Variants in PGGT1B observed in about 807,000 individuals in gnomAD.
PGGT1B encodes the protein geranylgeranyl transferase type-1 subunit beta.
In PGGT1B, 30 loss-of-function variants were observed where a neutral mutation model predicts 46.1. The observed-to-expected ratio is 0.65, with a 90% CI of 0.49 to 0.88. The LOEUF is 0.88. Among genes scored for constraint, PGGT1B ranks in the 40% least tolerant of loss-of-function variants. PGGT1B has a pLI of 0.00. For synonymous variants in PGGT1B, 170 were observed against 160.0 expected, an observed-to-expected ratio of 1.06 and a Z score of -0.47; for missense variants, 376 against 455.9, an observed-to-expected ratio of 0.82 and a Z score of 1.60.
intron 1 of PGGT1B, among the ~76,000 whole-genome samples, chr5:115,258,366 A>G (rs560803586): frequency 6.6e-6 from 1 of 152,186 alleles, no homozygotes; most frequent in Non-Finnish European, 1.5e-5. Flanking sequence ...GGACTACCAC[A>G]TGAGTGTCCT....
intron 1 of PGGT1B, among the ~76,000 whole-genome samples, chr5:115,258,864 AC>A (rs1263042563): frequency 6.6e-6 from 1 of 151,776 alleles, no homozygotes; most frequent in African/African-American, 2.4e-5. Context: ...TCAGCATCAC[AC>A]TCCTCAGCTA....
chr5:115,262,835 T>G lies in PGGT1B; in HGVS notation c.17A>C (p.Asp6Ala). Residue 6 changes from aspartate (D) to alanine (A), a missense_variant, in exon 1 of 9, where the codon GAT becomes GCT. Coordinates refer to ENST00000419445, the MANE Select transcript of PGGT1B (RefSeq NM_005023.4). MAATE[D>A]ERLAGSGEGE... ...CTCACCGCTCCCTGCTAGCCTCTCA[T>G]CCTCAGTGGCCGCCATGCTGCTCCG... 1 of 1,611,984 alleles carries G rather than the reference T, an allele frequency of 6.2e-7. No homozygotes were observed. Among genetic ancestry groups the G allele is most frequent in the Non-Finnish European group, 8.5e-7 (1 of 1,179,830 alleles).
intron 6 of PGGT1B, among the ~76,000 whole-genome samples, chr5:115,229,712 A>C (rs1482906920): frequency 6.6e-6 from 1 of 152,172 alleles, no homozygotes; most frequent in Non-Finnish European, 1.5e-5. Flanking sequence ...CTGTCTTCTT[A>C]GAAATTCTTA....
intron 5 of PGGT1B, among the ~76,000 whole-genome samples, chr5:115,235,692 TC>T (rs1757159402): frequency 6.6e-6 from 1 of 152,116 alleles, no homozygotes; most frequent in Non-Finnish European, 1.5e-5. Flanking sequence ...TCTTTCTGTA[TC>T]CAGAGGCTTT....
chr5:115,236,822 C>G (rs1757197241), intron 4 of PGGT1B, among the ~76,000 whole-genome samples: 1 of 152,078 alleles, frequency 6.6e-6, no homozygotes, highest in Admixed American at 6.5e-5. Context: ...TTGATCCTAG[C>G]CAGGGACAGC....
intron 2 of PGGT1B, among the ~76,000 whole-genome samples, chr5:115,247,641 GTAATGAAA>G (rs1282413375): frequency 6.6e-6 from 1 of 151,932 alleles, no homozygotes; most frequent in Non-Finnish European, 1.5e-5. Context: ...TGTCAAGAAA[GTAATGAAA>G]CAAGGTAAAT....
chr5:115,240,815 G>C (rs1561480554), intron 3 of PGGT1B, among the ~76,000 whole-genome samples: 1 of 152,152 alleles, frequency 6.6e-6, no homozygotes, highest in Non-Finnish European at 1.5e-5. Flanking sequence ...CAGGGAAAAA[G>C]TTTCTATGGT....
chr5:115,249,568 G>A (rs1191233052), intron 2 of PGGT1B, among the ~76,000 whole-genome samples: 1 of 152,100 alleles, frequency 6.6e-6, no homozygotes, highest in Non-Finnish European at 1.5e-5. Context: ...AATGAGTCAG[G>A]GTGGAGCAGG....
intron 6 of PGGT1B, among the ~76,000 whole-genome samples, chr5:115,225,219 T>G (rs1056540213): frequency 1.3e-5 from 2 of 152,196 alleles, no homozygotes; most frequent in African/African-American, 2.4e-5. Flanking sequence ...AGAAAGATTT[T>G]CATCTGAAAT....
intron 2 of PGGT1B, among the ~76,000 whole-genome samples, chr5:115,244,174 A>T (rs1182982771): frequency 6.6e-6 from 1 of 152,052 alleles, no homozygotes; most frequent in Non-Finnish European, 1.5e-5. Context: ...TTAGAATTCT[A>T]CCTAACACAG....
chr5:115,227,159 C>CA (rs1756814965), intron 6 of PGGT1B, among the ~76,000 whole-genome samples: 1 of 152,150 alleles, frequency 6.6e-6, no homozygotes. Context: ...GATGAGATTA[C>CA]TGAGCAAGCA....
intron 2 of PGGT1B, among the ~76,000 whole-genome samples, chr5:115,243,127 T>C (rs144608913): frequency 5.3e-5 from 8 of 152,308 alleles, no homozygotes; most frequent in Admixed American, 6.5e-5. Flanking sequence ...GGTTCTCTTA[T>C]CCTAAGGACT....
intron 1 of PGGT1B, among the ~76,000 whole-genome samples, chr5:115,258,142 A>G (rs1199526649): frequency 3.9e-5 from 6 of 152,240 alleles, no homozygotes; most frequent in Non-Finnish European, 8.8e-5. Context: ...TACAGACTAG[A>G]TGTCACCACA....
chr5:115,242,351 A>C (rs951149101), intron 2 of PGGT1B, among the ~76,000 whole-genome samples: 13 of 152,236 alleles, frequency 8.5e-5, no homozygotes, highest in African/African-American at 3.1e-4. Flanking sequence ...AATCAGTATG[A>C]TAGATGCAGA....
chr5:115,245,817 A>G (rs1747808987), intron 2 of PGGT1B, among the ~76,000 whole-genome samples: 1 of 152,226 alleles, frequency 6.6e-6, no homozygotes, highest in South Asian at 2.1e-4. Context: ...ACAATGTAGT[A>G]TTTTTTGCCT....
At chr5:115,262,535 C>A in intron 1 of PGGT1B, 177 bp downstream of exon 1, 1 of 680,936 alleles carries the variant, frequency 1.5e-6, no homozygotes, top group East Asian at 2.8e-5. Context: ...GCCTTCCAGA[C>A]CTTCCCACCG....
chr5:115,259,018 T>C (rs922420062), intron 1 of PGGT1B, among the ~76,000 whole-genome samples: 2 of 152,224 alleles, frequency 1.3e-5, no homozygotes, highest in Admixed American at 1.3e-4. Flanking sequence ...ACAGACACTC[T>C]ATTAAGAGTT....
At chr5:115,246,822 A>G (rs1747868694) in intron 2 of PGGT1B, among the ~76,000 whole-genome samples, 1 of 152,222 alleles carries the variant, frequency 6.6e-6, no homozygotes, top group Admixed American at 6.5e-5. Flanking sequence ...TTGTAGAACT[A>G]TAGAGTCAAA....
rs1388566301 is a variant in PGGT1B at position 115,209,933 on chromosome 5, T to C, written c.*2469A>G. ...AAATCTGGGATTTAAACCCAGGTCA[T>C]CTGATTCCAGAGCACCTCCTCATTA... is the stretch of plus-strand genomic sequence containing the variant. On this transcript the variant is annotated 3_prime_UTR_variant, in exon 9 of 9. Coordinates refer to ENST00000419445, the MANE Select transcript of PGGT1B (RefSeq NM_005023.4). 1 of 152,082 alleles carries C rather than the reference T, an allele frequency of 6.6e-6. No homozygotes were observed. Among genetic ancestry groups the C allele is most frequent in the East Asian group, 1.9e-4 (1 of 5,194 alleles). 9.4% of individuals were successfully genotyped at this position (152,082 alleles called of 1,614,324 possible).
Sources: gnomAD v4.1 joint callset for allele counts (sites outside exome capture counted in the v4.1 genomes callset) on GRCh38, gnomAD v4.1.1 for gene constraint, MANE v1.5 for transcripts, NCBI Gene and HGNC (gene_info 2026-07-23, HGNC 2026-07-21) for gene names.